The following PID1 variants were observed in gnomAD, a reference collection of about 807,000 sequenced individuals.
PID1 encodes phosphotyrosine interaction domain containing 1.
Under a neutral mutation model 19.1 loss-of-function variants are expected in PID1, and 10 were observed. The ratio of observed to expected loss-of-function variants is 0.52; its 90% CI spans 0.32 to 0.89. PID1 has a LOEUF of 0.89. Among genes scored for constraint, PID1 ranks in the 40% least tolerant of loss-of-function variants. The probability of loss-of-function intolerance (pLI) is 0.03; values close to 1 mark genes in which losing one functional copy is unlikely to be tolerated. For synonymous variants in PID1, 130 were observed against 116.0 expected (o/e 1.12, Z -0.78); for missense variants, 248 against 285.3 (o/e 0.87, Z 0.94).
intron 2 of PID1, among the ~76,000 whole-genome samples, chr2:229,028,949 C>A (rs1225040591): frequency 6.6e-6 from 1 of 152,146 alleles, no homozygotes; most frequent in Non-Finnish European, 1.5e-5. Flanking sequence ...AATTTATATA[C>A]ACTTATCACA....
chr2:229,142,765 A>G (rs757219649), intron 2 of PID1, among the ~76,000 whole-genome samples: 1 of 152,140 alleles, frequency 6.6e-6, no homozygotes, highest in Non-Finnish European at 1.5e-5. Flanking sequence ...AAACTAGTTC[A>G]CCCCTTGTGG....
chr2:229,182,531 T>C (rs1389666374), intron 1 of PID1, among the ~76,000 whole-genome samples: 2 of 152,156 alleles, frequency 1.3e-5, no homozygotes, highest in Non-Finnish European at 2.9e-5. Context: ...TCCCTGACCA[T>C]GAGCTTTTAG....
intron 1 of PID1, among the ~76,000 whole-genome samples, chr2:229,224,620 G>A (rs999366450): frequency 4.6e-5 from 7 of 151,670 alleles, no homozygotes; most frequent in African/African-American, 7.3e-5. Flanking sequence ...ACAATGGACC[G>A]TCATTGTTGG....
intron 1 of PID1, among the ~76,000 whole-genome samples, chr2:229,265,586 C>G (rs1436500371): frequency 6.6e-6 from 1 of 152,196 alleles, no homozygotes; most frequent in Non-Finnish European, 1.5e-5. Context: ...TCTTCTTGCT[C>G]TACTTATATA....
At chr2:229,256,003 C>T (rs1355223340) in intron 1 of PID1, among the ~76,000 whole-genome samples, 1 of 152,202 alleles carries the variant, frequency 6.6e-6, no homozygotes, top group Non-Finnish European at 1.5e-5. Context: ...CAGTTACCAC[C>T]TTGGCCTTTA....
chr2:229,062,839 T>C (rs1694239345), intron 2 of PID1, among the ~76,000 whole-genome samples: 1 of 152,010 alleles, frequency 6.6e-6, no homozygotes, highest in Non-Finnish European at 1.5e-5. Context: ...ATTTTCTTTT[T>C]CTTCTTGAAT....
chr2:229,227,636 G>C (rs1251459447), intron 1 of PID1, among the ~76,000 whole-genome samples: 2 of 152,152 alleles, frequency 1.3e-5, no homozygotes, highest in East Asian at 3.9e-4. Flanking sequence ...GGACCTCCTA[G>C]AGAAAGTTTT....
At chr2:229,125,822 C>A (rs898352747) in intron 2 of PID1, among the ~76,000 whole-genome samples, 6 of 152,110 alleles carry the variant, frequency 3.9e-5, no homozygotes, top group Admixed American at 2.6e-4. Flanking sequence ...GGGAGCCTAG[C>A]CTTCATGCAG....
At chr2:229,159,092 T>C (rs963461513) in intron 1 of PID1, among the ~76,000 whole-genome samples, 2 of 152,180 alleles carry the variant, frequency 1.3e-5, no homozygotes, top group African/African-American at 4.8e-5. Flanking sequence ...AAGAGTGTAA[T>C]TGGATGGTCT....
intron 2 of PID1, among the ~76,000 whole-genome samples, chr2:229,050,003 G>T (rs1425710169): frequency 1.3e-5 from 2 of 151,912 alleles, no homozygotes; most frequent in Admixed American, 1.3e-4. Flanking sequence ...TTAACCTCAG[G>T]CAGTCAAAAT....
intron 2 of PID1, among the ~76,000 whole-genome samples, chr2:229,139,001 A>AAGAAAGAAAG (rs1559251091): frequency 1.1e-5 from 1 of 92,462 alleles, no homozygotes; most frequent in Non-Finnish European, 2.3e-5. Context: ...GAAAGAAAGA[A>AAGAAAGAAAG]AGAAAGAAAG....
intron 2 of PID1, among the ~76,000 whole-genome samples, chr2:229,138,993 A>C: frequency 1.2e-5 from 1 of 81,584 alleles, no homozygotes; most frequent in Non-Finnish European, 2.5e-5. Context: ...GAAAGAAAGA[A>C]AGAAAGAAAG....
In PID1 at chr2:229,025,844, C is replaced by A. The variant is rs780979505; in HGVS notation, c.442G>T (p.Ala148Ser). 6.2e-7 allele frequency: 1 copy of A among 1,614,218 alleles called. No individual in the cohort carries two copies. Among genetic ancestry groups the A allele is most frequent in the South Asian group, 1.1e-5 (1 of 91,090 alleles). Residue 148 changes from alanine (A) to serine (S), a missense_variant, in exon 3 of 3, where the codon GCC becomes TCC. Physicochemically the swap from Ala to Ser is moderately conservative, Grantham distance 99 (BLOSUM62 1). Coordinates refer to ENST00000392055, the MANE Select transcript of PID1 (RefSeq NM_001100818.2). ...TCATTGATCTCCCTGTAGACCCAGGCGAAGATGTTGGGGCTCACGTTGTGG... is the reference window on the plus strand; with the variant it reads ...TCATTGATCTCCCTGTAGACCCAGGAGAAGATGTTGGGGCTCACGTTGTGG... ...ADHNVSPNIF[A>S]WVYREINDDL... is the part of the protein sequence containing the mutation.
intron 1 of PID1, among the ~76,000 whole-genome samples, chr2:229,158,244 C>T (rs1364777279): frequency 2.0e-5 from 3 of 152,126 alleles, no homozygotes. Context: ...TGTTTTGGTA[C>T]CTTCAATGGT....
intron 1 of PID1, among the ~76,000 whole-genome samples, chr2:229,237,972 TG>T (rs1440935930): frequency 6.6e-6 from 1 of 152,182 alleles, no homozygotes; most frequent in African/African-American, 2.4e-5. Context: ...GAAATCTACA[TG>T]GTAGAAAAAG....
At chr2:229,225,267 T>A (rs912523809) in intron 1 of PID1, among the ~76,000 whole-genome samples, 1 of 152,068 alleles carries the variant, frequency 6.6e-6, no homozygotes, top group African/African-American at 2.4e-5. Flanking sequence ...AATTAGCTAA[T>A]GTGTACGGAA....
At chr2:229,130,410 C>T (rs2106167139) in intron 2 of PID1, among the ~76,000 whole-genome samples, 1 of 152,268 alleles carries the variant, frequency 6.6e-6, no homozygotes, top group South Asian at 2.1e-4. Flanking sequence ...CTGGAAAGTT[C>T]TGAGTTTACT....
At chr2:229,153,535 C>T (rs968686688) in intron 2 of PID1, among the ~76,000 whole-genome samples, 1 of 152,088 alleles carries the variant, frequency 6.6e-6, no homozygotes, top group Non-Finnish European at 1.5e-5. Context: ...CCACACATAC[C>T]GAGGCCAGCG....
chr2:229,244,524 A>C (rs1482403731), intron 1 of PID1, among the ~76,000 whole-genome samples: 1 of 152,194 alleles, frequency 6.6e-6, no homozygotes, highest in Admixed American at 6.5e-5. Context: ...AATGAGACAG[A>C]AAGAGAGATT....
Sources: gnomAD v4.1 joint callset for allele counts (sites outside exome capture counted in the v4.1 genomes callset) on GRCh38, gnomAD v4.1.1 for gene constraint, MANE v1.5 for transcripts, NCBI Gene and HGNC (gene_info 2026-07-23, HGNC 2026-07-21) for gene names.